The following PSMC3IP variants were observed in gnomAD, a reference collection of about 807,000 sequenced individuals.
PSMC3IP encodes the protein homologous-pairing protein 2 homolog.
Under a neutral mutation model 34.9 loss-of-function variants are expected in PSMC3IP, and 26 were observed. The observed-to-expected ratio is 0.74, with a 90% confidence interval of 0.55 to 1.03. The LOEUF is 1.03. Ranked by LOEUF, PSMC3IP falls within the 50% of genes least tolerant of loss-of-function variation. The pLI, the probability that PSMC3IP is intolerant of heterozygous loss-of-function variation, is 0.00. For synonymous variants in PSMC3IP, 87 were observed against 96.5 expected (o/e 0.90, Z 0.57); for missense variants, 250 against 263.1 (o/e 0.95, Z 0.34).
intron 3 of PSMC3IP, 138 bp downstream of exon 3, chr17:42,577,075 C>A: frequency 6.5e-7 from 1 of 1,540,864 alleles, no homozygotes; most frequent in Non-Finnish European, 8.7e-7. Flanking sequence ...AAGAGGAGTA[C>A]ACACCTTGAT....
chr17:42,573,086 A>G, intron 7 of PSMC3IP, 21 bp downstream of exon 7: 1 of 1,614,096 alleles, frequency 6.2e-7, no homozygotes, highest in East Asian at 2.2e-5. Context: ...GGAAGCAAAG[A>G]AGGAAGAGAG....
chr17:42,574,252 G>T (rs368109459), intron 3 of PSMC3IP, 42 bp from the exon 4 acceptor site: 3 of 1,594,988 alleles, frequency 1.9e-6, no homozygotes, highest in Non-Finnish European at 2.6e-6. Context: ...CTGTTGTGAG[G>T]CACAAAGATG....
chr17:42,572,925 T>C lies in PSMC3IP; in HGVS notation c.*43A>G, dbSNP rs1478913841. ...GTAGCCAGTGCAAGACATCTCACTC[T>C]TCTGACATCCTGCAGTCCCCACCAG... On this transcript the variant is annotated 3_prime_UTR_variant, in exon 8 of 8. Coordinates refer to ENST00000393795, the MANE Select transcript of PSMC3IP (RefSeq NM_016556.4). The C allele has an allele frequency of 6.2e-7, 1 of 1,605,012 alleles. No individual in the cohort carries two copies. The highest frequency in any genetic ancestry group is 1.7e-5 in the Admixed American group (1 of 60,010).
At position 42,574,355 on chromosome 17, in the gene PSMC3IP, T is replaced by G. The variant is rs912727001; in HGVS notation, c.226-145A>C. ...AGGGTCTGCAGAAATAGTGGGAGAG[T>G]ACTTTTGAGAAATTGTTTTCAGTTA... On this transcript the variant is annotated intron_variant, in intron 3 of 7. Coordinates refer to ENST00000393795, the MANE Select transcript of PSMC3IP (RefSeq NM_016556.4). 6 of 1,492,874 alleles carry G rather than the reference T, an allele frequency of 4.0e-6. No individual in the cohort carries two copies. In the African/African-American group the frequency reaches 8.4e-5, roughly 21 times the overall value. The allele number at this position is 1,492,874 out of a possible 1,614,324, so 92.5% of individuals were successfully genotyped here. A position where few individuals can be genotyped will look rare whatever the true frequency, so the allele number is the denominator to read the frequency against.
chr17:42,577,586 G>A (rs929832166), intron 1 of PSMC3IP, 25 bp from the exon 2 acceptor site: 3 of 1,614,016 alleles, frequency 1.9e-6, no homozygotes, highest in African/African-American at 1.3e-5. Flanking sequence ...GCAGGGGAGG[G>A]GGCCACTCAA....
intron 4 of PSMC3IP, 36 bp from the exon 5 acceptor site, chr17:42,573,659 CT>C: frequency 6.2e-7 from 1 of 1,610,504 alleles, no homozygotes; most frequent in East Asian, 2.2e-5. Flanking sequence ...CTTGCTACCC[CT>C]GAGGAAGGAG....
At position 42,572,709 on chromosome 17, in the gene PSMC3IP, C is replaced by T; in HGVS notation, c.*259G>A. The T allele has an allele frequency of 1.7e-6, 1 of 579,628 alleles. No individual in the cohort carries two copies. Among genetic ancestry groups the T allele is most frequent in the South Asian group, 1.5e-5 (1 of 65,606 alleles). The allele number at this position is 579,628 out of a possible 1,614,324, so 35.9% of individuals were successfully genotyped here. A position where few individuals can be genotyped will look rare whatever the true frequency, so the allele number is the denominator to read the frequency against. On this transcript the variant is annotated 3_prime_UTR_variant, in exon 8 of 8. Transcript: ENST00000393795. ...ATAATAAATATTGCCAAATGCTTTC[C>T]TTTAGCATTGTTCCAAGTCTAAATG...
chr17:42,576,031 A>G (rs1011130528), intron 3 of PSMC3IP, among the ~76,000 whole-genome samples: 1 of 152,140 alleles, frequency 6.6e-6, no homozygotes, highest in Admixed American at 6.5e-5. Context: ...AACAACAACA[A>G]CAACAACAAT....
At chr17:42,577,100 C>G in intron 3 of PSMC3IP, 113 bp downstream of exon 3, 2 of 1,565,292 alleles carry the variant, frequency 1.3e-6, no homozygotes, top group Non-Finnish European at 1.7e-6. Flanking sequence ...GGATGGTGGC[C>G]TAAGACAGGT....
At position 42,572,868 on chromosome 17, in the gene PSMC3IP, A is replaced by T; in HGVS notation, c.*100T>A. 7.3e-7 allele frequency: 1 copy of T among 1,368,488 alleles called. No homozygotes were observed. The highest frequency in any genetic ancestry group is 1.0e-6 in the Non-Finnish European group (1 of 960,432). The allele number at this position is 1,368,488 out of a possible 1,614,324, so 84.8% of individuals were successfully genotyped here. A position where few individuals can be genotyped will look rare whatever the true frequency, so the allele number is the denominator to read the frequency against. On this transcript the variant is annotated 3_prime_UTR_variant, in exon 8 of 8. Transcript: ENST00000393795. ...TGCTCTGCTTAAAGGTGAAAGTAGC[A>T]GGAACAACAACAAAAGCCAACCAAA...
chr17:42,572,792 C>T lies in PSMC3IP; in HGVS notation c.*176G>A. 3.9e-6 allele frequency: 3 copies of T among 768,430 alleles called. No homozygotes were observed. The highest frequency in any genetic ancestry group is 4.5e-6 in the Non-Finnish European group (2 of 445,414). The allele number at this position is 768,430 out of a possible 1,614,324, so 47.6% of individuals were successfully genotyped here. ...AATGGGCTGGGTCTACCCCCAGCCA[C>T]CAGCCCTCATCCTCTCTACCCAGTG... is the stretch of plus-strand genomic sequence containing the variant. On this transcript the variant is annotated 3_prime_UTR_variant, in exon 8 of 8. Transcript: ENST00000393795.
At chr17:42,576,894 AGAGAATCG>A (rs1185736902) in intron 3 of PSMC3IP, 1 of 394,106 alleles carries the variant, frequency 2.5e-6, no homozygotes, top group Non-Finnish European at 4.8e-6. Flanking sequence ...ATGTGTGTTT[AGAGAATCG>A]GATGGAGGCA....
Position 42,573,480 on chromosome 17 carries a change from GCT to G in PSMC3IP, c.479_480del (p.Glu160AlafsTer11), listed in dbSNP as rs765972932. On this transcript the variant is annotated frameshift_variant, in exon 5 of 8. Coordinates refer to ENST00000393795, the MANE Select transcript of PSMC3IP (RefSeq NM_016556.4). LOFTEE classifies it high-confidence loss of function. ...ATNHVTPEEKEQVYRERQKYC... is the reference protein window; with the variant it reads ...ATNHVTPEEKXQVYRERQKYC... ...GGTCCTACAGCCTTCCAGCTCACCTGCTCTTTCTCTTCTGGAGTCACATGATT... is the reference window on the plus strand; with the variant it reads ...GGTCCTACAGCCTTCCAGCTCACCTGCTTTCTCTTCTGGAGTCACATGATT... The G allele has an allele frequency of 6.2e-7, 1 of 1,614,196 alleles. No homozygotes were observed. Among genetic ancestry groups the G allele is most frequent in the Non-Finnish European group, 8.5e-7 (1 of 1,180,032 alleles).
intron 3 of PSMC3IP, 123 bp from the exon 4 acceptor site, chr17:42,574,333 G>T (rs747984363): frequency 3.9e-6 from 6 of 1,528,712 alleles, no homozygotes; most frequent in South Asian, 2.4e-5. Flanking sequence ...TCTCCAGAGG[G>T]TCTGCAGAAA....
intron 3 of PSMC3IP, among the ~76,000 whole-genome samples, chr17:42,575,578 A>T (rs965642210): frequency 2.0e-5 from 3 of 152,236 alleles, no homozygotes; most frequent in Non-Finnish European, 4.4e-5. Flanking sequence ...CAGTTTAACG[A>T]GTAATATCTG....
chr17:42,573,821 T>TG, intron 4 of PSMC3IP, 198 bp from the exon 5 acceptor site: 1 of 1,530,534 alleles, frequency 6.5e-7, no homozygotes. Context: ...GGTTGAACAC[T>TG]TACTTAGGCG....
Position 42,577,559 on chromosome 17 carries a change from C to T in PSMC3IP, c.37G>A (p.Ala13Thr), listed in dbSNP as rs1255935510. 2 of 1,614,154 alleles carry T rather than the reference C, an allele frequency of 1.2e-6. No homozygotes were observed. Among genetic ancestry groups the T allele is most frequent in the South Asian group, 2.2e-5 (2 of 91,086 alleles). The change falls in exon 2 of 8, where the codon GCC becomes ACC. Residue 13 changes from alanine to threonine, a missense_variant and splice_region_variant. Coordinates refer to ENST00000393795, the MANE Select transcript of PSMC3IP (RefSeq NM_016556.4). ...KGRAEAAAGA[A>T]GILLRYLQEQ... ...TGCAGGTACCTCAGGAGGATCCCGG[C>T]GGCTACGGAGAGAAAGGCAGGGGAG...
At chr17:42,576,746 T>G in intron 3 of PSMC3IP, 2 of 233,776 alleles carry the variant, frequency 8.6e-6, no homozygotes, top group South Asian at 4.8e-5. Context: ...AGTAATTCCA[T>G]TAGGGGAGGA....
In PSMC3IP at chr17:42,573,323, C is replaced by T. The variant is rs925884381; in HGVS notation, c.525G>A (p.Lys175=). The change falls in exon 6 of 8, where the codon AAG becomes AAA. Residue 175 remains lysine, a synonymous_variant. Transcript: ENST00000393795. ...CCCACACACTTACCATCCTCTTCCT[C>T]TTCCTCCACTCCTTACAGTACTTCT... ...ERQKYCKEWR[K]RKRMATELSD... 1.2e-6 allele frequency: 2 copies of T among 1,614,166 alleles called. No individual in the cohort carries two copies. Among genetic ancestry groups the T allele is most frequent in the Non-Finnish European group, 1.7e-6 (2 of 1,180,028 alleles).
Sources: allele counts gnomAD v4.1 joint callset (sites outside exome capture counted in the v4.1 genomes callset), GRCh38; gene constraint gnomAD v4.1.1; transcripts MANE v1.5; gene names NCBI Gene and HGNC (gene_info 2026-07-23, HGNC 2026-07-21).